HIBADH: variants seen among roughly 807,000 people sequenced by gnomAD.
The protein encoded by HIBADH is 3-hydroxyisobutyrate dehydrogenase, mitochondrial.
In HIBADH, 25 loss-of-function variants were observed where a neutral mutation model predicts 36.1. The ratio of observed to expected loss-of-function variants is 0.69; its 90% CI spans 0.50 to 0.97. The LOEUF (loss-of-function observed/expected upper bound fraction) is 0.97. Among genes scored for constraint, HIBADH ranks in the 50% least tolerant of loss-of-function variants. The probability of loss-of-function intolerance (pLI) is 0.00; values close to 1 mark genes in which losing one functional copy is unlikely to be tolerated. For synonymous variants in HIBADH, 160 were observed against 149.5 expected (o/e 1.07, Z -0.51); for missense variants, 421 against 418.0 (o/e 1.01, Z -0.06).
chr7:27,552,342 C>T (rs1784330404), intron 4 of HIBADH, among the ~76,000 whole-genome samples: 1 of 152,140 alleles, frequency 6.6e-6, no homozygotes. Context: ...TGGCATTATC[C>T]AAGCTGGAAA....
chr7:27,560,672 T>C (rs1166726132), intron 4 of HIBADH, among the ~76,000 whole-genome samples: 8 of 152,224 alleles, frequency 5.3e-5, no homozygotes, highest in Non-Finnish European at 1.2e-4. Flanking sequence ...TTGAGAATAC[T>C]GTCTCAATAA....
At chr7:27,620,402 C>G (rs1208850442) in intron 4 of HIBADH, among the ~76,000 whole-genome samples, 1 of 151,880 alleles carries the variant, frequency 6.6e-6, no homozygotes, top group Non-Finnish European at 1.5e-5. Flanking sequence ...ATAAGACTAA[C>G]AGAAGATTTA....
chr7:27,570,795 C>T (rs1013267831), intron 4 of HIBADH, among the ~76,000 whole-genome samples: 4 of 103,426 alleles, frequency 3.9e-5, no homozygotes, highest in Admixed American at 2.0e-4. Context: ...CTGCTTTACA[C>T]GTTTGTATTT....
intron 3 of HIBADH, among the ~76,000 whole-genome samples, chr7:27,631,581 T>C (rs1785746649): frequency 6.6e-6 from 1 of 152,142 alleles, no homozygotes; most frequent in African/African-American, 2.4e-5. Context: ...TCAATCACTA[T>C]CATCCTAACA....
chr7:27,604,398 T>C (rs1261422330), intron 4 of HIBADH, among the ~76,000 whole-genome samples: 6 of 149,820 alleles, frequency 4.0e-5, no homozygotes, highest in Non-Finnish European at 8.9e-5. Context: ...GTATAATTTT[T>C]ACTAGTCCAG....
chr7:27,604,759 A>G lies in HIBADH; in HGVS notation c.484+24612T>C, dbSNP rs373867129. Reference sequence around the variant, plus strand: ...CTTTTGGTAATACTGAAGGGTGCATATATTTAGTTTTAGTACAACACACAT... The same window carrying G: ...CTTTTGGTAATACTGAAGGGTGCATGTATTTAGTTTTAGTACAACACACAT... On this transcript the variant is annotated intron_variant, in intron 4 of 7. Coordinates refer to ENST00000265395, the MANE Select transcript of HIBADH (RefSeq NM_152740.4). Among the ~76,000 whole-genome samples the G allele has an allele frequency of 1.3e-4, 20 of 152,274 alleles. 1 individual carries two copies. In the East Asian group the frequency reaches 3.1e-3, roughly 24 times the overall value.
At chr7:27,638,568 G>A (rs1785899290) in intron 2 of HIBADH, among the ~76,000 whole-genome samples, 1 of 152,126 alleles carries the variant, frequency 6.6e-6, no homozygotes, top group East Asian at 1.9e-4. Flanking sequence ...AAAAGCAACT[G>A]CAACAAAAAC....
intron 4 of HIBADH, among the ~76,000 whole-genome samples, chr7:27,569,191 T>C (rs886212214): frequency 1.1e-4 from 17 of 152,168 alleles, no homozygotes; most frequent in African/African-American, 4.1e-4. Flanking sequence ...AAAATTTCCA[T>C]TTGGTTCTTT....
In HIBADH at chr7:27,547,193, G is replaced by GT. The variant is rs555834538; in HGVS notation, c.485-4094dup. On this transcript the variant is annotated intron_variant, in intron 4 of 7. Coordinates refer to ENST00000265395, the MANE Select transcript of HIBADH (RefSeq NM_152740.4). ...CCTTGCTGTTCTTGAAACAGGTGAAGTATGTTCCCATCTCAAAGCCTTGAA... is the reference window on the plus strand; with the variant it reads ...CCTTGCTGTTCTTGAAACAGGTGAAGTTATGTTCCCATCTCAAAGCCTTGAA... 9.9e-5 allele frequency among the ~76,000 whole-genome samples: 15 copies of GT among 152,262 alleles called. No homozygotes were observed. The East Asian group carries it at 2.9e-3, about 29-fold the overall frequency.
At chr7:27,635,011 T>G (rs1184589447) in intron 2 of HIBADH, among the ~76,000 whole-genome samples, 1 of 152,188 alleles carries the variant, frequency 6.6e-6, no homozygotes, top group Admixed American at 6.5e-5. Flanking sequence ...ATAGCTGGAA[T>G]GTCACCACTG....
chr7:27,559,201 C>T (rs988296653), intron 4 of HIBADH, among the ~76,000 whole-genome samples: 6 of 152,142 alleles, frequency 3.9e-5, no homozygotes, highest in East Asian at 1.9e-4. Context: ...CCTTAATGAC[C>T]TCACTTTAAC....
chr7:27,548,069 C>G (rs908985657), intron 4 of HIBADH, among the ~76,000 whole-genome samples: 1 of 151,956 alleles, frequency 6.6e-6, no homozygotes, highest in Non-Finnish European at 1.5e-5. Flanking sequence ...TAGCTGACTA[C>G]CCTGATTTTA....
intron 2 of HIBADH, among the ~76,000 whole-genome samples, chr7:27,648,922 T>A (rs986892400): frequency 6.6e-5 from 10 of 152,202 alleles, no homozygotes; most frequent in Non-Finnish European, 4.4e-5. Flanking sequence ...TGCTGCCATA[T>A]GATGTTTTCA....
At chr7:27,599,007 T>C (rs1785078288) in intron 4 of HIBADH, among the ~76,000 whole-genome samples, 1 of 151,556 alleles carries the variant, frequency 6.6e-6, no homozygotes, top group South Asian at 2.1e-4. Flanking sequence ...TGAGTACAAT[T>C]CAAACTCGAC....
intron 1 of HIBADH, among the ~76,000 whole-genome samples, chr7:27,659,283 TG>T (rs1438876745): frequency 1.3e-5 from 2 of 152,256 alleles, no homozygotes; most frequent in African/African-American, 2.4e-5. Context: ...TTTTCTTCTC[TG>T]TACAAATAAG....
chr7:27,625,183 G>A (rs544585335), intron 4 of HIBADH, among the ~76,000 whole-genome samples: 6 of 152,198 alleles, frequency 3.9e-5, no homozygotes, highest in South Asian at 2.1e-4. Context: ...GTGTCAAACC[G>A]CAAACCCTGA....
intron 1 of HIBADH, among the ~76,000 whole-genome samples, chr7:27,658,817 T>G (rs1195865615): frequency 1.3e-5 from 2 of 152,246 alleles, no homozygotes; most frequent in Admixed American, 1.3e-4. Context: ...CACATAATAC[T>G]ACGTCATAAG....
intron 4 of HIBADH, among the ~76,000 whole-genome samples, chr7:27,585,258 CGT>C (rs764404621): frequency 5.3e-5 from 6 of 113,726 alleles, no homozygotes; most frequent in South Asian, 3.0e-4. Context: ...TATATACACA[CGT>C]GTGTATGTAT....
intron 4 of HIBADH, among the ~76,000 whole-genome samples, chr7:27,576,496 C>T (rs1332902330): frequency 6.6e-6 from 1 of 152,144 alleles, no homozygotes; most frequent in Non-Finnish European, 1.5e-5. Flanking sequence ...ATTGGCTCTC[C>T]TGACTGTTCT....
Sources: allele counts gnomAD v4.1 joint callset (sites outside exome capture counted in the v4.1 genomes callset), GRCh38; gene constraint gnomAD v4.1.1; transcripts MANE v1.5; gene names NCBI Gene and HGNC (gene_info 2026-07-23, HGNC 2026-07-21).